Variants in AKAP9 observed in about 807,000 individuals in gnomAD.
AKAP9 encodes the protein A-kinase anchoring protein 9.
A neutral mutation model predicts 488.5 loss-of-function variants in AKAP9; 311 were observed. The ratio of observed to expected loss-of-function variants is 0.64; its 90% CI spans 0.58 to 0.70. AKAP9 has a LOEUF of 0.70. Among genes scored for constraint, AKAP9 ranks in the 30% least tolerant of loss-of-function variants. The probability of loss-of-function intolerance (pLI) is 0.00; values close to 1 mark genes in which losing one functional copy is unlikely to be tolerated. For missense variants in AKAP9, 4,215 were observed against 4,374.5 expected (o/e 0.96, Z 1.03); for synonymous variants, 1,462 against 1,483.5 (o/e 0.99, Z 0.33).
At chr7:91,992,237 T>TA in intron 4 of AKAP9, 26 bp downstream of exon 4, 1 of 1,522,140 alleles carries the variant, frequency 6.6e-7, no homozygotes, top group South Asian at 1.1e-5. Context: ...CTACTTGTGA[T>TA]ACTAATGTTG....
intron 48 of AKAP9, among the ~76,000 whole-genome samples, chr7:92,108,166 T>C (rs1009046566): frequency 2.6e-5 from 4 of 152,206 alleles, no homozygotes; most frequent in Non-Finnish European, 4.4e-5. Flanking sequence ...GGTTAGATAT[T>C]GGGAAAAGTA....
chr7:91,969,624 C>T (rs1016364049), intron 1 of AKAP9, among the ~76,000 whole-genome samples: 2 of 152,056 alleles, frequency 1.3e-5, no homozygotes, highest in Non-Finnish European at 2.9e-5. Flanking sequence ...TAGTTATATC[C>T]GCTTGCTAAA....
At chr7:91,972,535 C>G (rs1386902691) in intron 1 of AKAP9, among the ~76,000 whole-genome samples, 1 of 152,224 alleles carries the variant, frequency 6.6e-6, no homozygotes, top group Non-Finnish European at 1.5e-5. Flanking sequence ...AACTTCTGCT[C>G]AGAGTTTTTT....
At chr7:91,985,887 T>C (rs1213857095) in intron 3 of AKAP9, among the ~76,000 whole-genome samples, 1 of 152,102 alleles carries the variant, frequency 6.6e-6, no homozygotes, top group African/African-American at 2.4e-5. Context: ...GACCTCTTGA[T>C]CTCCCCACCT....
chr7:92,095,214 A>G, intron 40 of AKAP9, 41 bp downstream of exon 40: 13 of 1,609,150 alleles, frequency 8.1e-6, no homozygotes, highest in Non-Finnish European at 1.0e-5. Flanking sequence ...AAAATCCAGA[A>G]TGATAGAAGA....
chr7:91,946,118 A>G (rs1271543110), intron 1 of AKAP9, among the ~76,000 whole-genome samples: 2 of 152,222 alleles, frequency 1.3e-5, no homozygotes, highest in Non-Finnish European at 2.9e-5. Flanking sequence ...CAAGCTGTAT[A>G]TTGATTATTG....
intron 14 of AKAP9, among the ~76,000 whole-genome samples, chr7:92,024,738 G>T (rs913197899): frequency 2.0e-5 from 3 of 152,056 alleles, no homozygotes; most frequent in Non-Finnish European, 2.9e-5. Flanking sequence ...ACTGTGGCTG[G>T]CTCTGCTATT....
intron 12 of AKAP9, among the ~76,000 whole-genome samples, chr7:92,020,443 A>G (rs749603827): frequency 2.0e-5 from 3 of 151,868 alleles, no homozygotes; most frequent in Non-Finnish European, 4.4e-5. Flanking sequence ...AGGCTTAGGC[A>G]TTTCTTCCTC....
chr7:92,033,442 CTTTTTTTTTTT>C (rs35497475), intron 16 of AKAP9, among the ~76,000 whole-genome samples: 1 of 107,374 alleles, frequency 9.3e-6, no homozygotes, highest in Non-Finnish European at 1.9e-5. Flanking sequence ...CTTTTCTTTT[CTTTTTTTTTTT>C]TTTTTTTTTT....
At chr7:92,048,773 G>A (rs1016164272) in intron 21 of AKAP9, among the ~76,000 whole-genome samples, 5 of 152,222 alleles carry the variant, frequency 3.3e-5, no homozygotes, top group South Asian at 2.1e-4. Context: ...CAGGTGTGGC[G>A]GCACATACCT....
chr7:91,964,414 A>G (rs1794163354), intron 1 of AKAP9, among the ~76,000 whole-genome samples: 2 of 152,200 alleles, frequency 1.3e-5, no homozygotes, highest in Admixed American at 1.3e-4. Context: ...TGCCTAAAGC[A>G]TGTAATACAT....
intron 10 of AKAP9, among the ~76,000 whole-genome samples, chr7:92,014,947 C>G (rs1269989325): frequency 6.6e-6 from 1 of 152,150 alleles, no homozygotes; most frequent in East Asian, 1.9e-4. Flanking sequence ...AGCCAAAACA[C>G]TAAGATGGCA....
intron 14 of AKAP9, among the ~76,000 whole-genome samples, chr7:92,027,978 A>G (rs1372339430): frequency 1.3e-5 from 2 of 152,212 alleles, no homozygotes; most frequent in East Asian, 3.9e-4. Context: ...GATGCTGTTA[A>G]TCTATAACCT....
At position 92,100,937 on chromosome 7, in the gene AKAP9, T is replaced by C. The variant is rs372132898; in HGVS notation, c.10978T>C (p.Leu3660=). The change falls in exon 45 of 50, where the codon TTG becomes CTG. Residue 3660 remains leucine (L), a synonymous_variant. Coordinates refer to ENST00000356239, the MANE Select transcript of AKAP9 (RefSeq NM_005751.5). ...SEKEVWNREK[L]TLQKSLKRAE... Reference sequence around the variant, plus strand: ...AAAAGAAGTATGGAACAGAGAAAAATTGACTCTCCAGAAATCTTTGAAAAG... The same window carrying C: ...AAAAGAAGTATGGAACAGAGAAAAACTGACTCTCCAGAAATCTTTGAAAAG... 1.9e-5 allele frequency: 31 copies of C among 1,614,068 alleles called. No individual in the cohort carries two copies. In the African/African-American group the frequency reaches 2.0e-4, roughly 10 times the overall value.
At chr7:91,953,832 A>C (rs1792593850) in intron 1 of AKAP9, among the ~76,000 whole-genome samples, 1 of 140,748 alleles carries the variant, frequency 7.1e-6, no homozygotes, top group African/African-American at 2.6e-5. Flanking sequence ...ACACACAAAA[A>C]TCTCATCTTA....
chr7:91,983,105 A>G (rs1345670762), intron 3 of AKAP9, among the ~76,000 whole-genome samples: 3 of 151,740 alleles, frequency 2.0e-5, no homozygotes, highest in Non-Finnish European at 4.4e-5. Context: ...CACAACATGC[A>G]GGTTTGCTAC....
At chr7:91,987,925 A>T (rs1797301974) in intron 3 of AKAP9, among the ~76,000 whole-genome samples, 1 of 152,166 alleles carries the variant, frequency 6.6e-6, no homozygotes, top group East Asian at 1.9e-4. Flanking sequence ...TAATCTCTGC[A>T]CTTTGGGAGG....
At chr7:92,104,134 G>T (rs185285827) in intron 46 of AKAP9, among the ~76,000 whole-genome samples, 3 of 151,466 alleles carry the variant, frequency 2.0e-5, no homozygotes, top group Admixed American at 6.6e-5. Flanking sequence ...AAGGAATTTT[G>T]CTTTTTAAAG....
In AKAP9 at chr7:92,102,784, C is replaced by T. The variant is rs1480526428; in HGVS notation, c.11288C>T (p.Thr3763Ile). 1 of 1,614,118 alleles carries T rather than the reference C, an allele frequency of 6.2e-7. No individual in the cohort carries two copies. Among genetic ancestry groups the T allele is most frequent in the Non-Finnish European group, 8.5e-7 (1 of 1,180,032 alleles). Reference sequence around the variant, plus strand: ...ATCACCAATCGCCCAAAGGGCTTCACCAGGTTTCGGTCGGCCGTCAGAGTA... The same window carrying T: ...ATCACCAATCGCCCAAAGGGCTTCATCAGGTTTCGGTCGGCCGTCAGAGTA... ...EVITNRPKGF[T>I]RFRSAVRVSI... Residue 3763 changes from threonine to isoleucine, a missense_variant, in exon 46 of 50, where the codon ACC (threonine) becomes ATC (isoleucine). Physicochemically the swap from Thr to Ile is moderately conservative, Grantham distance 89. Transcript: ENST00000356239.
Sources: allele counts gnomAD v4.1 joint callset (sites outside exome capture counted in the v4.1 genomes callset), GRCh38; gene constraint gnomAD v4.1.1; transcripts MANE v1.5; gene names NCBI Gene and HGNC (gene_info 2026-07-23, HGNC 2026-07-21).